The following TLL1 variants were observed in gnomAD, a reference collection of about 807,000 sequenced individuals.
TLL1 encodes the protein tolloid like 1, also known as tolloid-like protein 1.
In TLL1, 49 loss-of-function variants were observed where a neutral mutation model predicts 128.2. That is an observed-to-expected ratio of 0.38 (90% CI 0.30 to 0.48). The LOEUF is 0.48. Ranked by LOEUF, TLL1 falls within the 20% of genes least tolerant of loss-of-function variation. The pLI is 0.96. For missense variants in TLL1, 1,123 were observed against 1,242.0 expected (o/e 0.90, Z 1.44); for synonymous variants, 454 against 418.8 (o/e 1.08, Z -1.03).
chr4:166,052,197 TAATC>T (rs1739773437), intron 12 of TLL1, among the ~76,000 whole-genome samples: 2 of 152,204 alleles, frequency 1.3e-5, no homozygotes, highest in South Asian at 4.1e-4. Context: ...TTTTTAATAA[TAATC>T]TTCTTAAAAT....
Position 165,959,614 on chromosome 4 carries a change from T to C in TLL1, c.170-29767T>C, listed in dbSNP as rs1734995324. ...GGCCATAAAACAAGTCTCAATAAAT[T>C]TGAAAAAGTTGAAATAATATCTAGC... On this transcript the variant is annotated intron_variant, in intron 1 of 20. Transcript: ENST00000061240. Among the ~76,000 whole-genome samples, 4 of 152,160 alleles carry C rather than the reference T, an allele frequency of 2.6e-5. 1 individual carries two copies. The South Asian group carries it at 6.2e-4, about 24-fold the overall frequency.
At position 165,993,524 on chromosome 4, in the gene TLL1, A is replaced by T. The variant is rs1736734720; in HGVS notation, c.361+640A>T. On this transcript the variant is annotated intron_variant, in intron 3 of 20. Transcript: ENST00000061240. ...TGCTTGAAGTACATATTTCCAAGGA[A>T]TAATTTTCCCAAGCAAAAGTGCTTT... 2.0e-5 allele frequency among the ~76,000 whole-genome samples: 3 copies of T among 152,208 alleles called. No homozygotes were observed. In the South Asian group the frequency reaches 6.2e-4, roughly 32 times the overall value.
intron 1 of TLL1, among the ~76,000 whole-genome samples, chr4:165,983,873 T>C (rs1736273582): frequency 2.0e-5 from 3 of 152,014 alleles, no homozygotes; most frequent in Admixed American, 6.6e-5. Flanking sequence ...TCAGGTTACC[T>C]AGATGCTCCT....
At chr4:166,078,100 A>G (rs1411705755) in intron 18 of TLL1, 70 bp downstream of exon 18, 5 of 1,603,140 alleles carry the variant, frequency 3.1e-6, no homozygotes, top group Non-Finnish European at 3.4e-6. Context: ...GCACTTGGAA[A>G]TAAAATGGAG....
intron 5 of TLL1, among the ~76,000 whole-genome samples, chr4:165,997,320 T>C (rs1736931085): frequency 6.6e-6 from 1 of 152,122 alleles, no homozygotes; most frequent in South Asian, 2.1e-4. Flanking sequence ...GGGTCTTTCA[T>C]CTCATAAAAA....
chr4:166,011,987 T>C (rs1737714428), intron 7 of TLL1, among the ~76,000 whole-genome samples: 1 of 151,602 alleles, frequency 6.6e-6, no homozygotes, highest in South Asian at 2.1e-4. Context: ...TCCAATTGTT[T>C]TTATGATGTT....
chr4:165,900,923 C>T (rs533263827), intron 1 of TLL1, among the ~76,000 whole-genome samples: 1 of 152,156 alleles, frequency 6.6e-6, no homozygotes, highest in East Asian at 1.9e-4. Context: ...TTCTTGGAGG[C>T]TTTGTTCATT....
chr4:165,904,081 C>T (rs1000877810), intron 1 of TLL1, among the ~76,000 whole-genome samples: 5 of 151,828 alleles, frequency 3.3e-5, no homozygotes, highest in African/African-American at 1.2e-4. Context: ...TTTTATATGG[C>T]ATCTTTTTCA....
intron 2 of TLL1, among the ~76,000 whole-genome samples, chr4:165,991,850 C>T (rs1433825128): frequency 1.3e-5 from 2 of 151,934 alleles, no homozygotes; most frequent in Non-Finnish European, 2.9e-5. Flanking sequence ...ACTACAAATT[C>T]ATAGGCACTT....
intron 12 of TLL1, among the ~76,000 whole-genome samples, chr4:166,046,845 G>C (rs990278171): frequency 1.3e-5 from 2 of 152,120 alleles, no homozygotes; most frequent in Admixed American, 1.3e-4. Flanking sequence ...ATCAGTACTT[G>C]CCAGTTCAGT....
chr4:166,021,593 C>T (rs147985948), intron 8 of TLL1, among the ~76,000 whole-genome samples: 17,627 of 151,940 alleles, frequency 0.12, 1,044 homozygotes, highest in Non-Finnish European at 0.13. Flanking sequence ...CCACCATGCC[C>T]GGCTAAATTT....
At chr4:165,913,841 C>T (rs956061823) in intron 1 of TLL1, among the ~76,000 whole-genome samples, 1 of 152,038 alleles carries the variant, frequency 6.6e-6, no homozygotes, top group African/African-American at 2.4e-5. Context: ...TGGTGCAACC[C>T]TATCTCTACA....
rs189686236 is a variant in TLL1, at chr4:166,008,057, C to T, written c.917+9C>T. 4,543 of 1,600,088 alleles carry T rather than the reference C, an allele frequency of 2.8e-3. 22 individuals are homozygous for T. The highest frequency in any genetic ancestry group is 2.7e-3 in the Non-Finnish European group (3,163 of 1,168,266). On this transcript the variant is annotated intron_variant, in intron 7 of 20. Transcript: ENST00000061240. The stretch of plus-strand genomic sequence containing the variant: ...AGGAACACCTTCTCAAGGTTGGAGT[C>T]TCAGGTTATACCTTTTGACTTTTAA...
intron 5 of TLL1, among the ~76,000 whole-genome samples, chr4:165,997,113 A>G (rs1406219002): frequency 3.9e-5 from 6 of 152,000 alleles, no homozygotes; most frequent in South Asian, 2.1e-4. Context: ...ATTTGGAATT[A>G]CCATTGTTGA....
At chr4:166,096,531 T>C (rs974769036) in intron 19 of TLL1, among the ~76,000 whole-genome samples, 1 of 152,102 alleles carries the variant, frequency 6.6e-6, no homozygotes, top group African/African-American at 2.4e-5. Context: ...CCTTGATTTT[T>C]ATTCCCAGCT....
At position 166,050,930 on chromosome 4, in the gene TLL1, C is replaced by T. The variant is rs117004819; in HGVS notation, c.1525-4146C>T. On this transcript the variant is annotated intron_variant, in intron 12 of 20. Coordinates refer to ENST00000061240, the MANE Select transcript of TLL1 (RefSeq NM_012464.5). ...TGACTAGTCTTTGTACATGTTCTTC[C>T]TTCTTTGTGTATTTGGCTCTACTTC... 8.0e-3 allele frequency among the ~76,000 whole-genome samples: 1,225 copies of T among 152,178 alleles called. 5 individuals are homozygous for T. The highest frequency in any genetic ancestry group is 9.6e-3 in the African/African-American group (400 of 41,538).
intron 1 of TLL1, among the ~76,000 whole-genome samples, chr4:165,905,597 T>C (rs1732212302): frequency 6.6e-6 from 1 of 152,168 alleles, no homozygotes; most frequent in Non-Finnish European, 1.5e-5. Flanking sequence ...CACCTCGTCA[T>C]CTTCTCCTCC....
chr4:165,981,200 T>C (rs1736137071), intron 1 of TLL1, among the ~76,000 whole-genome samples: 1 of 152,062 alleles, frequency 6.6e-6, no homozygotes, highest in African/African-American at 2.4e-5. Flanking sequence ...AGGTTATCTT[T>C]CAGTTAACCA....
At chr4:166,085,872 A>G (rs563706169) in intron 18 of TLL1, among the ~76,000 whole-genome samples, 1 of 152,184 alleles carries the variant, frequency 6.6e-6, no homozygotes, top group Non-Finnish European at 1.5e-5. Context: ...AATTTTTTAA[A>G]TCGTAGTTTA....
Sources: gnomAD v4.1 joint callset for allele counts (sites outside exome capture counted in the v4.1 genomes callset) on GRCh38, gnomAD v4.1.1 for gene constraint, MANE v1.5 for transcripts, NCBI Gene and HGNC (gene_info 2026-07-23, HGNC 2026-07-21) for gene names.